The following KAZN variants were observed in gnomAD, a reference collection of about 807,000 sequenced individuals.
KAZN encodes kazrin, periplakin interacting protein.
Under a neutral mutation model 87.4 loss-of-function variants are expected in KAZN, and 40 were observed. The ratio of observed to expected loss-of-function variants is 0.46; its 90% CI spans 0.36 to 0.60. The LOEUF is 0.60. Ranked by LOEUF, KAZN falls within the 20% of genes least tolerant of loss-of-function variation. The pLI, the probability that KAZN is intolerant of heterozygous loss-of-function variation, is 0.00. For synonymous variants in KAZN, 466 were observed against 458.3 expected (o/e 1.02, Z -0.22); for missense variants, 898 against 1,073.9 (o/e 0.84, Z 2.29).
At chr1:14,660,626 C>T (rs945408901) in intron 1 of KAZN, among the ~76,000 whole-genome samples, 1 of 148,594 alleles carries the variant, frequency 6.7e-6, no homozygotes, top group Non-Finnish European at 1.5e-5. Context: ...CCAGGTCTGC[C>T]GATGGCTGAG....
Position 15,048,710 on chromosome 1 carries a change from T to TCGG in KAZN, c.726+4551_726+4552insCGG, listed in dbSNP as rs1350838596. ...GTCCTGGGTCGTTGATCCTTGGTCG[T>TCGG]TGGTCCTGGGTCGTTGGTCATGGGT... On this transcript the variant is annotated intron_variant, in intron 4 of 14. Transcript: ENST00000376030. Among the ~76,000 whole-genome samples the TCGG allele has an allele frequency of 1.2e-3, 172 of 144,256 alleles. 1 individual carries two copies. The highest frequency in any genetic ancestry group is 4.3e-3 in the African/African-American group (153 of 35,970). The allele number at this position is 144,256 out of a possible 152,430, so 94.6% of individuals were successfully genotyped here.
At chr1:14,420,246 T>C (rs1213853667) in intron 2 of KAZN, among the ~76,000 whole-genome samples, 1 of 151,894 alleles carries the variant, frequency 6.6e-6, no homozygotes, top group African/African-American at 2.4e-5. Context: ...TACCATCCTC[T>C]AGCTAGACAT....
chr1:14,304,942 GTT>G (rs35013885), intron 2 of KAZN, among the ~76,000 whole-genome samples: 4,837 of 144,570 alleles, frequency 0.033, 255 homozygotes, highest in African/African-American at 0.11. Context: ...GCCAAAGCTA[GTT>G]TTTTTTTTTT....
intron 1 of KAZN, among the ~76,000 whole-genome samples, chr1:14,617,980 TCACCC>T (rs1426501827): frequency 6.6e-6 from 1 of 152,210 alleles, no homozygotes; most frequent in Non-Finnish European, 1.5e-5. Context: ...AGCTCATGCA[TCACCC>T]TCCCTGGGAG....
At chr1:14,664,857 A>G (rs1477806225) in intron 1 of KAZN, among the ~76,000 whole-genome samples, 1 of 151,928 alleles carries the variant, frequency 6.6e-6, no homozygotes, top group Admixed American at 6.6e-5. Flanking sequence ...AGGTTTCACC[A>G]TGTTAGCCAG....
chr1:14,680,317 T>C (rs1018237140), intron 1 of KAZN, among the ~76,000 whole-genome samples: 8 of 152,156 alleles, frequency 5.3e-5, no homozygotes, highest in African/African-American at 1.7e-4. Context: ...CGTTCCTACG[T>C]AGCCCTCCCC....
chr1:14,531,664 T>C (rs1281239419), intron 2 of KAZN, among the ~76,000 whole-genome samples: 4 of 152,184 alleles, frequency 2.6e-5, no homozygotes. Flanking sequence ...ATTTACTTTA[T>C]CTTCCCAAGC....
intron 2 of KAZN, among the ~76,000 whole-genome samples, chr1:14,581,586 C>A (rs750196211): frequency 1.3e-5 from 2 of 152,132 alleles, no homozygotes; most frequent in Non-Finnish European, 2.9e-5. Context: ...CGGTCAGTGT[C>A]CCCCATCTCA....
intron 1 of KAZN, among the ~76,000 whole-genome samples, chr1:14,625,544 A>G (rs1679071616): frequency 6.6e-6 from 1 of 152,254 alleles, no homozygotes; most frequent in African/African-American, 2.4e-5. Flanking sequence ...AGCAGCTAAA[A>G]GATTTCCAGT....
chr1:15,037,360 C>T (rs1464415177), intron 3 of KAZN, among the ~76,000 whole-genome samples: 1 of 152,220 alleles, frequency 6.6e-6, no homozygotes, highest in Non-Finnish European at 1.5e-5. Flanking sequence ...TTCCTCCCCT[C>T]CTGGGACCAG....
chr1:14,898,378 G>T (rs1266457250), intron 1 of KAZN, among the ~76,000 whole-genome samples: 1 of 152,176 alleles, frequency 6.6e-6, no homozygotes, highest in African/African-American at 2.4e-5. Context: ...CAGAAATGTG[G>T]TCCTTTCTCA....
upstream of KAZN, among the ~76,000 whole-genome samples, chr1:14,594,112 C>T (rs1238965906): frequency 6.6e-6 from 1 of 152,182 alleles, no homozygotes; most frequent in African/African-American, 2.4e-5. Context: ...AGTAGGGCAA[C>T]CATATATACT....
At chr1:14,261,567 C>T (rs969805986) in intron 2 of KAZN, among the ~76,000 whole-genome samples, 8 of 152,106 alleles carry the variant, frequency 5.3e-5, no homozygotes, top group Non-Finnish European at 8.8e-5. Flanking sequence ...TCTCCACCGA[C>T]GAGGCACTTA....
intron 8 of KAZN, among the ~76,000 whole-genome samples, chr1:15,082,693 GTTTGTTTTGT>G (rs750547043): frequency 6.6e-6 from 1 of 152,070 alleles, no homozygotes; most frequent in Admixed American, 6.5e-5. Context: ...GTTTGTTTTT[GTTTGTTTTGT>G]TTTGTTTGAG....
At chr1:14,971,043 T>C (rs1390021744) in intron 2 of KAZN, among the ~76,000 whole-genome samples, 1 of 152,174 alleles carries the variant, frequency 6.6e-6, no homozygotes, top group Non-Finnish European at 1.5e-5. Context: ...CAACAACCCA[T>C]GTTCGATGGG....
chr1:14,606,333 G>T (rs915721413), intron 1 of KAZN, among the ~76,000 whole-genome samples: 1 of 152,186 alleles, frequency 6.6e-6, no homozygotes, highest in Non-Finnish European at 1.5e-5. Flanking sequence ...TCCCTAGACT[G>T]GTGGTAGTTC....
In KAZN at chr1:14,136,691, GCTT is replaced by G. The variant is rs564341906; in HGVS notation, c.92-43741_92-43739del. Among the ~76,000 whole-genome samples the G allele has an allele frequency of 2.9e-4, 44 of 152,286 alleles. 1 individual carries two copies. In the South Asian group the frequency reaches 8.3e-3, roughly 29 times the overall value. Reference sequence around the variant, plus strand: ...GGGGAAGGCCAGGGATGGGAATGTGGCTTCTCCCCAGCTGCTTGCTGCCTCCTG... The same window carrying G: ...GGGGAAGGCCAGGGATGGGAATGTGGCTCCCCAGCTGCTTGCTGCCTCCTG... On this transcript the variant is annotated intron_variant, in intron 1 of 16. Coordinates refer to the KAZN transcript ENST00000636203.
chr1:14,216,047 T>A (rs540060990), intron 2 of KAZN, among the ~76,000 whole-genome samples: 40 of 152,276 alleles, frequency 2.6e-4, no homozygotes, highest in African/African-American at 5.5e-4. Context: ...TCAATTTTTT[T>A]AAAAAATAGA....
At chr1:13,959,624 C>T (rs1397629763) in intron 1 of KAZN, among the ~76,000 whole-genome samples, 2 of 152,170 alleles carry the variant, frequency 1.3e-5, no homozygotes, top group Non-Finnish European at 2.9e-5. Flanking sequence ...GATCATTTCC[C>T]CATCCTTCTC....
Sources: allele counts gnomAD v4.1 joint callset (sites outside exome capture counted in the v4.1 genomes callset), GRCh38; gene constraint gnomAD v4.1.1; transcripts MANE v1.5; gene names NCBI Gene and HGNC (gene_info 2026-07-23, HGNC 2026-07-21).